CSMD3: variants seen among roughly 807,000 people sequenced by gnomAD.
The protein encoded by CSMD3 is CUB and Sushi multiple domains 3.
Under a neutral mutation model 435.2 loss-of-function variants are expected in CSMD3, and 177 were observed. The ratio of observed to expected loss-of-function variants is 0.41; its 90% CI spans 0.36 to 0.46. The LOEUF (loss-of-function observed/expected upper bound fraction) is 0.46, where lower values mean the gene tolerates loss of function less well. Among genes scored for constraint, CSMD3 ranks in the 20% least tolerant of loss-of-function variants. The pLI is 0.34. For synonymous variants in CSMD3, 1,656 were observed against 1,520.5 expected (o/e 1.09, Z -2.07); for missense variants, 4,265 against 4,504.6 (o/e 0.95, Z 1.52).
chr8:112,812,236 T>C (rs1383112747), intron 12 of CSMD3, among the ~76,000 whole-genome samples: 1 of 152,096 alleles, frequency 6.6e-6, no homozygotes, highest in East Asian at 1.9e-4. Flanking sequence ...CTTAAACATG[T>C]ATGCTAAGAG....
At chr8:112,344,321 A>G (rs539290334) in intron 41 of CSMD3, among the ~76,000 whole-genome samples, 1 of 152,260 alleles carries the variant, frequency 6.6e-6, no homozygotes, top group East Asian at 1.9e-4. Flanking sequence ...AATACATTTT[A>G]CTGTCTCCTC....
At chr8:112,647,508 G>A (rs1279919129) in intron 19 of CSMD3, among the ~76,000 whole-genome samples, 1 of 151,970 alleles carries the variant, frequency 6.6e-6, no homozygotes, top group Admixed American at 6.6e-5. Context: ...AGGTTTCACT[G>A]TGTTAGCCAG....
At chr8:112,898,292 G>A (rs2082008476) in intron 10 of CSMD3, among the ~76,000 whole-genome samples, 1 of 151,108 alleles carries the variant, frequency 6.6e-6, no homozygotes, top group African/African-American at 2.4e-5. Context: ...TTCTCTACCA[G>A]TAATATAATT....
At chr8:112,592,907 A>G (rs1450692931) in intron 22 of CSMD3, among the ~76,000 whole-genome samples, 1 of 152,176 alleles carries the variant, frequency 6.6e-6, no homozygotes, top group African/African-American at 2.4e-5. Context: ...AGTCTCTAGT[A>G]TGATACAAGT....
chr8:113,368,223 C>T (rs188960798), intron 1 of CSMD3, among the ~76,000 whole-genome samples: 47 of 152,198 alleles, frequency 3.1e-4, no homozygotes, highest in African/African-American at 1.0e-3. Flanking sequence ...ACTCACCTTC[C>T]CAGCTGTGTT....
intron 1 of CSMD3, among the ~76,000 whole-genome samples, chr8:113,397,051 G>A (rs1412191946): frequency 6.6e-6 from 1 of 152,074 alleles, no homozygotes; most frequent in Non-Finnish European, 1.5e-5. Flanking sequence ...ATGTTGGAAA[G>A]AAGATAATGC....
intron 3 of CSMD3, among the ~76,000 whole-genome samples, chr8:113,223,143 T>G: frequency 6.6e-6 from 1 of 150,710 alleles, no homozygotes; most frequent in East Asian, 1.9e-4. Context: ...CCATATTAAT[T>G]AATAAATTAA....
intron 3 of CSMD3, among the ~76,000 whole-genome samples, chr8:113,175,635 C>T (rs2092336613): frequency 6.6e-6 from 1 of 151,932 alleles, no homozygotes. Flanking sequence ...TTTTGAAATA[C>T]TTAATTTTTT....
chr8:113,426,293 C>T (rs1403911385), intron 1 of CSMD3, among the ~76,000 whole-genome samples: 1 of 151,192 alleles, frequency 6.6e-6, no homozygotes, highest in Non-Finnish European at 1.5e-5. Context: ...AAGATGAAAA[C>T]TAAATCACTT....
At chr8:112,512,462 T>A (rs1344553058) in intron 28 of CSMD3, among the ~76,000 whole-genome samples, 1 of 152,202 alleles carries the variant, frequency 6.6e-6, no homozygotes, top group East Asian at 1.9e-4. Context: ...AAGCAATGGG[T>A]ACATTTTCAA....
At chr8:112,464,821 C>T (rs1342920281) in intron 32 of CSMD3, among the ~76,000 whole-genome samples, 1 of 152,040 alleles carries the variant, frequency 6.6e-6, no homozygotes, top group Non-Finnish European at 1.5e-5. Context: ...CTGGGGATCC[C>T]ACTAAATTTC....
intron 24 of CSMD3, among the ~76,000 whole-genome samples, chr8:112,561,745 T>C (rs556616017): frequency 5.3e-5 from 8 of 151,764 alleles, no homozygotes; most frequent in Non-Finnish European, 1.0e-4. Flanking sequence ...TACATATCTA[T>C]ACATCAATGA....
intron 32 of CSMD3, among the ~76,000 whole-genome samples, chr8:112,439,932 AG>A (rs1313400013): frequency 6.6e-6 from 1 of 152,120 alleles, no homozygotes; most frequent in East Asian, 1.9e-4. Context: ...AAATACACAA[AG>A]CCAGACCATA....
chr8:113,418,962 T>C (rs1323188214), intron 1 of CSMD3, among the ~76,000 whole-genome samples: 1 of 152,138 alleles, frequency 6.6e-6, no homozygotes, highest in Non-Finnish European at 1.5e-5. Flanking sequence ...AGAATCACAG[T>C]AGTACCATAG....
At chr8:112,454,823 T>A (rs530548764) in intron 32 of CSMD3, among the ~76,000 whole-genome samples, 2 of 151,906 alleles carry the variant, frequency 1.3e-5, no homozygotes, top group Non-Finnish European at 2.9e-5. Flanking sequence ...AGACTCTGTC[T>A]CTACAAAAAA....
intron 10 of CSMD3, among the ~76,000 whole-genome samples, chr8:112,921,318 T>C (rs1013578334): frequency 2.6e-5 from 4 of 151,976 alleles, no homozygotes; most frequent in African/African-American, 9.7e-5. Context: ...GGCTTTAAAA[T>C]ATCTGTATCA....
chr8:112,823,292 A>G (rs1168211799), intron 12 of CSMD3, among the ~76,000 whole-genome samples: 1 of 152,100 alleles, frequency 6.6e-6, no homozygotes, highest in East Asian at 1.9e-4. Flanking sequence ...TACTCTAATA[A>G]TTATTGCCTT....
chr8:113,279,779 C>T (rs574220856), intron 2 of CSMD3, among the ~76,000 whole-genome samples: 1 of 151,806 alleles, frequency 6.6e-6, no homozygotes, highest in Non-Finnish European at 1.5e-5. Flanking sequence ...TAAAAATAAA[C>T]TCAGTTATGA....
chr8:112,596,491 G>A (rs1274259654), intron 22 of CSMD3, among the ~76,000 whole-genome samples: 2 of 152,046 alleles, frequency 1.3e-5, no homozygotes, highest in African/African-American at 4.8e-5. Flanking sequence ...CCCAGGAATT[G>A]AACTCAGCTC....
Sources: gnomAD v4.1 joint callset for allele counts (sites outside exome capture counted in the v4.1 genomes callset) on GRCh38, gnomAD v4.1.1 for gene constraint, MANE v1.5 for transcripts, NCBI Gene and HGNC (gene_info 2026-07-23, HGNC 2026-07-21) for gene names.